The following TBRG4 variants were observed in gnomAD, a reference collection of about 807,000 sequenced individuals.
The protein encoded by TBRG4 is FAST kinase domain-containing protein 4.
A neutral mutation model predicts 65.6 loss-of-function variants in TBRG4; 43 were observed. The observed-to-expected ratio is 0.66, with a 90% CI of 0.51 to 0.85. TBRG4 has a LOEUF of 0.85. Among genes scored for constraint, TBRG4 ranks in the 40% least tolerant of loss-of-function variants. TBRG4 has a pLI of 0.00. For missense variants in TBRG4, 709 were observed against 787.9 expected, an observed-to-expected ratio of 0.90 and a Z score of 1.20; for synonymous variants, 366 against 341.4, an observed-to-expected ratio of 1.07 and a Z score of -0.79.
chr7:45,101,504 T>C lies in TBRG4; in HGVS notation c.1678A>G (p.Arg560Gly). ...GSQSPPPGSK[R>G]LAFLRWEFPN... ...GCCAACAGGTCCCTGGCCACCTACC[T>C]CTTAGACCCTGGAGGTGGTGACTGG... Residue 560 changes from arginine to glycine, a missense_variant and splice_region_variant, in exon 9 of 11, where the codon AGG becomes GGG. Arg to Gly is a moderately radical substitution (Grantham distance 125). Coordinates refer to ENST00000258770, the MANE Select transcript of TBRG4 (RefSeq NM_004749.4). The C allele has an allele frequency of 1.2e-6, 2 of 1,612,952 alleles. No individual in the cohort carries two copies. Among genetic ancestry groups the C allele is most frequent in the South Asian group, 1.1e-5 (1 of 90,872 alleles).
chr7:45,105,566 G>C lies in TBRG4; in HGVS notation c.610C>G (p.Leu204Val), dbSNP rs758524627. 1.9e-6 allele frequency: 3 copies of C among 1,614,170 alleles called. No homozygotes were observed. Among genetic ancestry groups the C allele is most frequent in the Non-Finnish European group, 2.5e-6 (3 of 1,180,046 alleles). The change falls in exon 3 of 11, where the codon CTG becomes GTG. Residue 204 changes from leucine to valine, a missense_variant. By Grantham distance (32) the Leu-to-Val change is conservative. Coordinates refer to ENST00000258770, the MANE Select transcript of TBRG4 (RefSeq NM_004749.4). ...TCCAGGTGTGTGAGCAGCTCAGCCA[G>C]CAGCTCCTGCGAGTGCTGCTCCTGT... The part of the protein sequence containing the change: ...LSQEQHSQEL[L>V]AELLTHLERR...
intron 3 of TBRG4, chr7:45,105,236 T>C (rs17172375): frequency 0.012 from 7,497 of 623,066 alleles, 394 homozygotes; most frequent in African/African-American, 0.12. Context: ...TGGTGCTTGA[T>C]GAATGCAGCC....
At chr7:45,108,712 T>C in intron 2 of TBRG4, 115 bp downstream of exon 2, 9 of 819,604 alleles carry the variant, frequency 1.1e-5, no homozygotes, top group Non-Finnish European at 1.6e-5. Context: ...ATAAAAAATA[T>C]CACAAGAGAT....
At chr7:45,103,525 G>A (rs1413440983) in intron 5 of TBRG4, 82 bp from the exon 6 acceptor site, 2 of 1,153,468 alleles carry the variant, frequency 1.7e-6, no homozygotes, top group Non-Finnish European at 2.5e-6. Flanking sequence ...TGAGTCTGAG[G>A]AGAGCCTGCA....
chr7:45,102,151 T>C, intron 7 of TBRG4, 81 bp from the exon 8 acceptor site: 2 of 1,534,408 alleles, frequency 1.3e-6, no homozygotes, highest in Non-Finnish European at 1.7e-6. Context: ...AGTGCACCCC[T>C]ACACCCAGTC....
chr7:45,105,045 G>T, intron 3 of TBRG4: 1 of 708,792 alleles, frequency 1.4e-6, no homozygotes, highest in Non-Finnish European at 2.6e-6. Flanking sequence ...TGACTGCAGG[G>T]CTACAGCCGA....
rs574834497 is a variant in TBRG4, at chr7:45,101,934, G to C, written c.1458C>G (p.Asp486Glu). The C allele has an allele frequency of 6.2e-7, 1 of 1,609,004 alleles. No homozygotes were observed. Among genetic ancestry groups the C allele is most frequent in the East Asian group, 2.2e-5 (1 of 44,764 alleles). Residue 486 changes from aspartate (D) to glutamate (E), a missense_variant, in exon 8 of 11, where the codon GAC (aspartate) becomes GAG (glutamate). Coordinates refer to ENST00000258770, the MANE Select transcript of TBRG4 (RefSeq NM_004749.4). ...CCTTTTGCAGGGGGGTCACCTTCCT[G>C]TCAAGGGCTGAGGGCCCAGGGGCCA... is the stretch of plus-strand genomic sequence containing the variant. ...SAVAPGPSAL[D>E]RKVTPLQKEL...
chr7:45,108,887 A>G lies in TBRG4; in HGVS notation c.351T>C (p.Asp117=). 6.3e-7 allele frequency: 1 copy of G among 1,581,304 alleles called. No individual in the cohort carries two copies. Among genetic ancestry groups the G allele is most frequent in the Non-Finnish European group, 8.6e-7 (1 of 1,167,008 alleles). The part of the protein sequence containing the change: ...LSHLLSEKPE[D]KGLLIQDAHF... ...GGGCATCCTGTATGAGCAAGCCTTT[A>G]TCTTCTGGCTTCTCAGACAGCAAGT... Residue 117 remains aspartate (D), a synonymous_variant, in exon 2 of 11, where the codon GAT becomes GAC. Transcript: ENST00000258770.
At position 45,103,379 on chromosome 7, in the gene TBRG4, G is replaced by A. The variant is rs756012370; in HGVS notation, c.1130C>T (p.Ala377Val). Reference protein sequence around the residue: ...PHLCSVLLAFARLNFHPDQED... With the variant: ...PHLCSVLLAFVRLNFHPDQED... ...TTGGTCTGGATGGAAGTTCAGACGC[G>A]CAAAAGCCAGAAGTACGCTGCACAG... The change falls in exon 6 of 11, where the codon GCG (alanine) becomes GTG (valine). Residue 377 changes from alanine to valine, a missense_variant. Ala to Val is a moderately conservative substitution (Grantham distance 64, BLOSUM62 0). Transcript: ENST00000258770. The A allele has an allele frequency of 5.0e-6, 8 of 1,613,718 alleles. No homozygotes were observed. The highest frequency in any genetic ancestry group is 1.1e-5 in the South Asian group (1 of 91,016).
chr7:45,101,007 C>T (rs1784746084), intron 10 of TBRG4, among the ~76,000 whole-genome samples: 1 of 152,268 alleles, frequency 6.6e-6, no homozygotes, highest in African/African-American at 2.4e-5. Context: ...CCCTGCCCAC[C>T]TCTTAAGCTG....
chr7:45,107,239 G>C (rs1264384869), intron 2 of TBRG4: 1 of 152,216 alleles, frequency 6.6e-6, no homozygotes, highest in African/African-American at 2.4e-5. Flanking sequence ...CATCCTATGA[G>C]AACCATCAGT....
At chr7:45,109,689 G>C (rs760838700) in intron 1 of TBRG4, among the ~76,000 whole-genome samples, 6 of 151,728 alleles carry the variant, frequency 4.0e-5, no homozygotes, top group Non-Finnish European at 7.4e-5. Flanking sequence ...TAAAAATTAC[G>C]GGCTTGGCCA....
chr7:45,106,880 G>A (rs1326739777), intron 2 of TBRG4: 2 of 152,230 alleles, frequency 1.3e-5, no homozygotes, highest in African/African-American at 4.8e-5. Flanking sequence ...CAATCTCGCA[G>A]TTTCTGGCAA....
Position 45,109,727 on chromosome 7 carries a change from A to G in TBRG4, c.-50-440T>C, listed in dbSNP as rs1584036156. On this transcript the variant is annotated intron_variant, in intron 1 of 10. Coordinates refer to ENST00000258770, the MANE Select transcript of TBRG4 (RefSeq NM_004749.4). Reference sequence around the variant, plus strand: ...CGTGGTGGCTCACGCCTGTAATCCCAGCACTTTGGGAGGCCTAGGCGGGTG... The same window carrying G: ...CGTGGTGGCTCACGCCTGTAATCCCGGCACTTTGGGAGGCCTAGGCGGGTG... Among the ~76,000 whole-genome samples, 3 of 152,270 alleles carry G rather than the reference A, an allele frequency of 2.0e-5. No individual in the cohort carries two copies. In the East Asian group the frequency reaches 5.8e-4, roughly 29 times the overall value.
Position 45,100,163 on chromosome 7 carries a change from T to G in TBRG4, c.*162A>C. 1.7e-6 allele frequency: 1 copy of G among 589,248 alleles called. No homozygotes were observed. Among genetic ancestry groups the G allele is most frequent in the Non-Finnish European group, 3.0e-6 (1 of 336,658 alleles). The allele number at this position is 589,248 out of a possible 1,614,324, so 36.5% of individuals were successfully genotyped here. On this transcript the variant is annotated 3_prime_UTR_variant, in exon 11 of 11. Coordinates refer to ENST00000258770, the MANE Select transcript of TBRG4 (RefSeq NM_004749.4). ...GGGGTCCAACACCAAAATTAAAGGTTTATTATACACAAGAGGACGTTCTGT... is the reference window on the plus strand; with the variant it reads ...GGGGTCCAACACCAAAATTAAAGGTGTATTATACACAAGAGGACGTTCTGT...
chr7:45,106,331 T>C (rs1164543086), intron 2 of TBRG4: 1 of 259,622 alleles, frequency 3.9e-6, no homozygotes, highest in Non-Finnish European at 7.9e-6. Flanking sequence ...CTCTTTTACA[T>C]GGTCCTGGCT....
chr7:45,108,994 G>T lies in TBRG4; in HGVS notation c.244C>A (p.Pro82Thr). Residue 82 changes from proline (P) to threonine (T), a missense_variant, in exon 2 of 11, where the codon CCA becomes ACA. Physicochemically the swap from Pro to Thr is conservative, Grantham distance 38. Transcript: ENST00000258770. ...VDHLIKKATR[P>T]EELLELLGGS... ...CCAAGTAGCTCCAGGAGCTCCTCTG[G>T]CCTTGTGGCCTTCTTGATGAGGTGG... The T allele has an allele frequency of 6.2e-7, 1 of 1,611,764 alleles. No homozygotes were observed. Among genetic ancestry groups the T allele is most frequent in the South Asian group, 1.1e-5 (1 of 90,820 alleles).
At chr7:45,102,228 T>C in intron 7 of TBRG4, 119 bp downstream of exon 7, 1 of 1,551,114 alleles carries the variant, frequency 6.4e-7, no homozygotes, top group Non-Finnish European at 8.7e-7. Context: ...AGGGAGAGGA[T>C]GGAGAGCGAG....
Position 45,111,696 on chromosome 7 carries a change from AT to A in TBRG4, c.-105del, listed in dbSNP as rs777621475. The A allele has an allele frequency of 3.9e-6, 5 of 1,289,170 alleles. No homozygotes were observed. In the South Asian group the frequency reaches 6.2e-5, roughly 16 times the overall value. 79.9% of individuals were successfully genotyped at this position (1,289,170 alleles called of 1,614,324 possible). On this transcript the variant is annotated 5_prime_UTR_variant, in exon 1 of 11. An upstream start codon of the reference 5' UTR is lost. Coordinates refer to ENST00000258770, the MANE Select transcript of TBRG4 (RefSeq NM_004749.4). The stretch of plus-strand genomic sequence containing the variant: ...CGCCGCCCTAACTGTCCCCGGAACC[AT>A]GAGGTGCGCGGCGCGCTTCCCTACG...
Sources: allele counts gnomAD v4.1 joint callset (sites outside exome capture counted in the v4.1 genomes callset), GRCh38; gene constraint gnomAD v4.1.1; transcripts MANE v1.5; gene names NCBI Gene and HGNC (gene_info 2026-07-23, HGNC 2026-07-21).